Variants in OSBP2 observed in about 807,000 individuals in gnomAD.
OSBP2 encodes the protein oxysterol-binding protein 2.
Under a neutral mutation model 96.0 loss-of-function variants are expected in OSBP2, and 66 were observed. That is an observed-to-expected ratio of 0.69 (90% CI 0.56 to 0.84). The LOEUF (loss-of-function observed/expected upper bound fraction) is 0.84. OSBP2 is among the 40% of genes least tolerant of loss of function. The pLI is 0.00. For missense variants in OSBP2, 1,038 were observed against 1,222.7 expected (o/e 0.85, Z 2.25); for synonymous variants, 525 against 520.9 (o/e 1.01, Z -0.11).
rs182485705 is a variant in OSBP2, at chr22:30,702,721, C to T, written c.644+7168C>T. ...CTGTTTGAAATACCTAGAGTAGCCCCGTACTGATCCAAAGAACCAGGTCTT... is the reference window on the plus strand; with the variant it reads ...CTGTTTGAAATACCTAGAGTAGCCCTGTACTGATCCAAAGAACCAGGTCTT... On this transcript the variant is annotated intron_variant, in intron 1 of 13. Transcript: ENST00000332585. 9.8e-5 allele frequency among the ~76,000 whole-genome samples: 15 copies of T among 152,334 alleles called. No homozygotes were observed. In the East Asian group the frequency reaches 1.3e-3, roughly 14 times the overall value.
chr22:30,739,432 C>A (rs895856360), intron 1 of OSBP2, among the ~76,000 whole-genome samples: 2 of 152,232 alleles, frequency 1.3e-5, no homozygotes, highest in Non-Finnish European at 2.9e-5. Context: ...CCTCCAATTT[C>A]AGTTTTAATG....
intron 2 of OSBP2, among the ~76,000 whole-genome samples, chr22:30,792,735 C>CGG (rs1172651790): frequency 6.6e-6 from 1 of 152,168 alleles, no homozygotes; most frequent in Non-Finnish European, 1.5e-5. Flanking sequence ...CTTGTCTCTT[C>CGG]GGGAGAAAGT....
At chr22:30,730,796 AT>A (rs2089758247) in intron 1 of OSBP2, among the ~76,000 whole-genome samples, 6 of 51,504 alleles carry the variant, frequency 1.2e-4, no homozygotes, top group African/African-American at 6.2e-4. Flanking sequence ...ATATATATAT[AT>A]ATATATATAT....
intron 12 of OSBP2, among the ~76,000 whole-genome samples, chr22:30,901,934 T>C (rs543302210): frequency 6.6e-6 from 1 of 152,058 alleles, no homozygotes; most frequent in East Asian, 1.9e-4. Context: ...ACTCGAGAAA[T>C]TCTTGCAAAT....
chr22:30,747,679 T>G (rs1365699805), intron 2 of OSBP2, among the ~76,000 whole-genome samples: 1 of 152,110 alleles, frequency 6.6e-6, no homozygotes, highest in East Asian at 1.9e-4. Flanking sequence ...TCCTCTTCCT[T>G]GCCCCACCCA....
intron 2 of OSBP2, among the ~76,000 whole-genome samples, chr22:30,859,512 C>G (rs1365092206): frequency 6.6e-6 from 1 of 152,204 alleles, no homozygotes; most frequent in African/African-American, 2.4e-5. Context: ...AGGCACCAGG[C>G]CGTGTGGCGA....
At chr22:30,813,987 A>G (rs538325816) in intron 2 of OSBP2, among the ~76,000 whole-genome samples, 1 of 152,006 alleles carries the variant, frequency 6.6e-6, no homozygotes, top group Admixed American at 6.6e-5. Flanking sequence ...TTTTTAGTGG[A>G]GATGGGGTTT....
intron 2 of OSBP2, among the ~76,000 whole-genome samples, chr22:30,857,429 T>C (rs1467546758): frequency 6.6e-6 from 1 of 152,234 alleles, no homozygotes; most frequent in Non-Finnish European, 1.5e-5. Context: ...CCCCATTCTC[T>C]GCAGCGCATT....
upstream of OSBP2, chr22:30,694,028 C>A (rs2088972740): frequency 3.2e-6 from 5 of 1,544,264 alleles, no homozygotes; most frequent in Non-Finnish European, 8.8e-7. Flanking sequence ...TCTGGGGTCA[C>A]AGCCTCCTTT....
In OSBP2 at chr22:30,712,027, A is replaced by G. The variant is rs2089361978; in HGVS notation, c.644+16474A>G. On this transcript the variant is annotated intron_variant, in intron 1 of 13. Coordinates refer to ENST00000332585, the MANE Select transcript of OSBP2 (RefSeq NM_030758.4). ...CGTGACACGAAAGGTGCAGGCCAAC[A>G]CTGGTGTAATACACAGGATAATGCA... 2.0e-5 allele frequency among the ~76,000 whole-genome samples: 3 copies of G among 152,160 alleles called. No homozygotes were observed. The South Asian group carries it at 6.2e-4, about 31-fold the overall frequency.
At chr22:30,726,739 C>T (rs1338144766) in intron 1 of OSBP2, among the ~76,000 whole-genome samples, 1 of 152,116 alleles carries the variant, frequency 6.6e-6, no homozygotes, top group East Asian at 1.9e-4. Flanking sequence ...TTTAAAATTA[C>T]ATTAGAAGTG....
chr22:30,897,449 G>A (rs969907331), intron 12 of OSBP2, among the ~76,000 whole-genome samples: 1 of 152,166 alleles, frequency 6.6e-6, no homozygotes, highest in Admixed American at 6.5e-5. Context: ...TGATTGTGTA[G>A]TAAACCCTAA....
chr22:30,832,135 C>T (rs2038534979), intron 2 of OSBP2, among the ~76,000 whole-genome samples: 1 of 152,122 alleles, frequency 6.6e-6, no homozygotes, highest in Non-Finnish European at 1.5e-5. Flanking sequence ...GTGCCTACTT[C>T]ACTCCCACCA....
chr22:30,860,833 G>A (rs1225506986), intron 2 of OSBP2, among the ~76,000 whole-genome samples: 1 of 152,218 alleles, frequency 6.6e-6, no homozygotes, highest in East Asian at 1.9e-4. Context: ...CATCATGGCG[G>A]TTGCCAGAAT....
chr22:30,856,498 T>G (rs1439272764), intron 2 of OSBP2, among the ~76,000 whole-genome samples: 1 of 149,212 alleles, frequency 6.7e-6, no homozygotes, highest in Non-Finnish European at 1.5e-5. Flanking sequence ...GCAATTCTCC[T>G]GCCTCAGCCT....
chr22:30,757,782 C>T (rs1468475459), intron 2 of OSBP2, among the ~76,000 whole-genome samples: 2 of 152,150 alleles, frequency 1.3e-5, no homozygotes, highest in Non-Finnish European at 2.9e-5. Context: ...CTGCATATGA[C>T]CCACCACTCA....
intron 2 of OSBP2, among the ~76,000 whole-genome samples, chr22:30,835,363 C>T (rs1007905987): frequency 6.6e-6 from 1 of 152,042 alleles, no homozygotes; most frequent in African/African-American, 2.4e-5. Context: ...TGCATGCTAT[C>T]CCAGCACCAT....
chr22:30,727,427 T>C (rs904019548), intron 1 of OSBP2, among the ~76,000 whole-genome samples: 1 of 152,128 alleles, frequency 6.6e-6, no homozygotes, highest in African/African-American at 2.4e-5. Flanking sequence ...AAAGCTCATA[T>C]ATATGCAGAA....
At chr22:30,882,061 G>A (rs752708521) in intron 3 of OSBP2, among the ~76,000 whole-genome samples, 3 of 152,202 alleles carry the variant, frequency 2.0e-5, no homozygotes, top group Non-Finnish European at 2.9e-5. Context: ...CACGATGCCA[G>A]CTGGCCCTTT....
Sources: gnomAD v4.1 joint callset for allele counts (sites outside exome capture counted in the v4.1 genomes callset) on GRCh38, gnomAD v4.1.1 for gene constraint, MANE v1.5 for transcripts, NCBI Gene and HGNC (gene_info 2026-07-23, HGNC 2026-07-21) for gene names.